The following CDH17 variants were observed in gnomAD, a reference collection of about 807,000 sequenced individuals.
CDH17 encodes the protein cadherin-17.
A neutral mutation model predicts 86.3 loss-of-function variants in CDH17; 67 were observed. That is an observed-to-expected ratio of 0.78 (90% confidence interval 0.64 to 0.95). The LOEUF (loss-of-function observed/expected upper bound fraction) is 0.95, where lower values mean the gene tolerates loss of function less well. Ranked by LOEUF, CDH17 falls within the 40% of genes least tolerant of loss-of-function variation. The pLI, the probability that CDH17 is intolerant of heterozygous loss-of-function variation, is 0.00. For synonymous variants in CDH17, 367 were observed against 366.4 expected, an observed-to-expected ratio of 1.00 and a Z score of -0.02; for missense variants, 993 against 1,017.6, an observed-to-expected ratio of 0.98 and a Z score of 0.33.
intron 10 of CDH17, 68 bp downstream of exon 10, chr8:94,165,693 C>T (rs915123190): frequency 9.5e-7 from 1 of 1,048,670 alleles, no homozygotes; most frequent in Non-Finnish European, 1.5e-6. Flanking sequence ...GACATTAGCG[C>T]AGGAAAATAA....
At chr8:94,184,040 TAAA>T (rs567593599) in intron 3 of CDH17, among the ~76,000 whole-genome samples, 2 of 138,624 alleles carry the variant, frequency 1.4e-5, no homozygotes. Context: ...TAGCTATAAT[TAAA>T]AAAAAAAAAA....
chr8:94,145,449 T>C (rs1812722825), intron 15 of CDH17, among the ~76,000 whole-genome samples: 1 of 152,132 alleles, frequency 6.6e-6, no homozygotes, highest in Admixed American at 6.6e-5. Context: ...AGCACTTCAA[T>C]GGTTGCCTGG....
Position 94,130,632 on chromosome 8 carries a change from CCA to C in CDH17, c.2390_2391del (p.Leu797ArgfsTer17), listed in dbSNP as rs766247124. Reference protein sequence around the residue: ...MAVGILLTTLLVIGIILAVVF... With the variant: ...MAVGILLTTLXVIGIILAVVF... ...ATTAAGAAATTACACTCACCAATCA[CCA>C]GAAGGGTGGTCAGCAGTATACCAAC... On this transcript the variant is annotated frameshift_variant, in exon 17 of 18. Transcript: ENST00000027335. LOFTEE classifies it high-confidence loss of function. The C allele has an allele frequency of 6.2e-7, 1 of 1,604,646 alleles. No individual in the cohort carries two copies. The highest frequency in any genetic ancestry group is 1.1e-5 in the South Asian group (1 of 90,610).
At chr8:94,210,993 C>T (rs1814113271), upstream of CDH17, among the ~76,000 whole-genome samples, 1 of 149,200 alleles carries the variant, frequency 6.7e-6, no homozygotes, top group South Asian at 2.1e-4. Context: ...TGCACTCCAG[C>T]CTAGCCGACA....
intron 3 of CDH17, among the ~76,000 whole-genome samples, chr8:94,179,046 T>TAAAAAA (rs3033905): frequency 7.2e-6 from 1 of 139,030 alleles, no homozygotes; most frequent in Non-Finnish European, 1.6e-5. Flanking sequence ...GAATGTTTAT[T>TAAAAAA]AAAAAAAAAA....
In CDH17 at chr8:94,174,282, GAAAAA is replaced by G. The variant is rs34016273; in HGVS notation, c.425-27_425-23del. 25 of 1,276,640 alleles carry G rather than the reference GAAAAA, an allele frequency of 2.0e-5. No individual in the cohort carries two copies. In the Admixed American group the frequency reaches 2.5e-4, roughly 13 times the overall value. 79.1% of individuals were successfully genotyped at this position (1,276,640 alleles called of 1,614,324 possible). A position where few individuals can be genotyped will look rare whatever the true frequency, so the allele number is the denominator to read the frequency against. ...TTTCCTGTTTAACAAGACGTACCCA[GAAAAA>G]AAAAAAAAAAGATATTAATTGAAAC... On this transcript the variant is annotated intron_variant, in intron 5 of 17. Transcript: ENST00000027335.
At chr8:94,157,617 C>T (rs1259705923) in intron 12 of CDH17, among the ~76,000 whole-genome samples, 1 of 152,082 alleles carries the variant, frequency 6.6e-6, no homozygotes, top group African/African-American at 2.4e-5. Context: ...GAGTGGTGTC[C>T]AAGATATGCA....
intron 15 of CDH17, among the ~76,000 whole-genome samples, chr8:94,142,140 A>T (rs1812649761): frequency 6.6e-6 from 1 of 152,224 alleles, no homozygotes; most frequent in Admixed American, 6.5e-5. Flanking sequence ...TTAGATAGCT[A>T]TGTTAAAAAC....
At position 94,145,996 on chromosome 8, in the gene CDH17, C is replaced by A; in HGVS notation, c.2099G>T (p.Gly700Val). 1 of 1,613,780 alleles carries A rather than the reference C, an allele frequency of 6.2e-7. No homozygotes were observed. The highest frequency in any genetic ancestry group is 1.1e-5 in the South Asian group (1 of 91,012). The change falls in exon 15 of 18, where the codon GGT (glycine) becomes GTT (valine). Residue 700 changes from glycine to valine, a missense_variant. Physicochemically the swap from Gly to Val is moderately radical, Grantham distance 109. Transcript: ENST00000027335. ...GCCGAGGGAAAATGTAAAATGGGGA[C>A]CCCGAAATAAGTGCTGATCATCATC... ...ATDDDQHLFR[G>V]PHFTFSLGSG...
intron 10 of CDH17, among the ~76,000 whole-genome samples, chr8:94,164,861 T>C (rs1426380199): frequency 6.6e-6 from 1 of 152,174 alleles, no homozygotes; most frequent in South Asian, 2.1e-4. Context: ...ATGTGTGCAG[T>C]TGATTAAGAA....
chr8:94,135,927 G>T (rs1812514641), intron 15 of CDH17, among the ~76,000 whole-genome samples: 1 of 152,142 alleles, frequency 6.6e-6, no homozygotes, highest in Non-Finnish European at 1.5e-5. Context: ...TAGTTTGGCT[G>T]GATATGAAAT....
At chr8:94,199,826 C>T (rs770365640) in intron 1 of CDH17, among the ~76,000 whole-genome samples, 29 of 152,096 alleles carry the variant, frequency 1.9e-4, no homozygotes, top group Non-Finnish European at 2.8e-4. Flanking sequence ...CCGGCTGACT[C>T]GTGGCCCTAT....
At chr8:94,184,912 T>C (rs1813549177) in intron 3 of CDH17, among the ~76,000 whole-genome samples, 1 of 152,148 alleles carries the variant, frequency 6.6e-6, no homozygotes, top group Non-Finnish European at 1.5e-5. Context: ...CATGGGGCAA[T>C]GAGTGTTCTT....
At chr8:94,136,317 A>G (rs1451684158) in intron 15 of CDH17, among the ~76,000 whole-genome samples, 1 of 152,026 alleles carries the variant, frequency 6.6e-6, no homozygotes, top group Non-Finnish European at 1.5e-5. Flanking sequence ...TGGTCTTTTC[A>G]CATAGTCCCA....
At chr8:94,196,949 C>A (rs923204716) in intron 1 of CDH17, among the ~76,000 whole-genome samples, 16 of 152,178 alleles carry the variant, frequency 1.1e-4, no homozygotes, top group Non-Finnish European at 2.1e-4. Flanking sequence ...AAGCACTATG[C>A]AAACATCACA....
chr8:94,199,169 T>C (rs1813857591), intron 1 of CDH17, among the ~76,000 whole-genome samples: 1 of 150,602 alleles, frequency 6.6e-6, no homozygotes, highest in South Asian at 2.1e-4. Context: ...TTTTAACTTA[T>C]CAGGTCTCTT....
In CDH17 at chr8:94,128,024, C is replaced by T. The variant is rs992884439; in HGVS notation, c.*216G>A. 9.5e-6 allele frequency: 4 copies of T among 420,972 alleles called. No homozygotes were observed. The East Asian group carries it at 1.3e-4, about 14-fold the overall frequency. 26.1% of individuals were successfully genotyped at this position (420,972 alleles called of 1,614,324 possible). Reference sequence around the variant, plus strand: ...AGGAGAATCATGTGAACCCAGGAGGCGGAGGTTGCAGTGAGCTGGGATCAC... The same window carrying T: ...AGGAGAATCATGTGAACCCAGGAGGTGGAGGTTGCAGTGAGCTGGGATCAC... On this transcript the variant is annotated 3_prime_UTR_variant, in exon 18 of 18. Transcript: ENST00000027335.
chr8:94,161,990 C>A, intron 11 of CDH17, 96 bp downstream of exon 11: 1 of 776,956 alleles, frequency 1.3e-6, no homozygotes, highest in East Asian at 2.6e-5. Context: ...TTAAGTCTGG[C>A]ACTTTTCCTA....
At position 94,137,452 on chromosome 8, in the gene CDH17, C is replaced by T. The variant is rs533747369; in HGVS notation, c.2168-6460G>A. ...GGCACGGGACCTGCCAAGCCAGGCA[C>T]GGGAGAGAATCTCCTTCTCTGCCAG... On this transcript the variant is annotated intron_variant, in intron 15 of 17. Transcript: ENST00000027335. 1.2e-4 allele frequency among the ~76,000 whole-genome samples: 19 copies of T among 152,240 alleles called. No individual in the cohort carries two copies. In the South Asian group the frequency reaches 3.5e-3, roughly 28 times the overall value.
Sources: allele counts gnomAD v4.1 joint callset (sites outside exome capture counted in the v4.1 genomes callset), GRCh38; gene constraint gnomAD v4.1.1; transcripts MANE v1.5; gene names NCBI Gene and HGNC (gene_info 2026-07-23, HGNC 2026-07-21).